The following ASAP2 variants were observed in gnomAD, a reference collection of about 807,000 sequenced individuals.
ASAP2 encodes the protein ArfGAP with SH3 domain, ankyrin repeat and PH domain 2, also known as arf-GAP with SH3 domain, ANK repeat and PH domain-containing protein 2.
In ASAP2, 45 loss-of-function variants were observed where a neutral mutation model predicts 131.4. The observed-to-expected ratio is 0.34, with a 90% CI of 0.27 to 0.44. The LOEUF (loss-of-function observed/expected upper bound fraction) is 0.44, where lower values mean the gene tolerates loss of function less well. Ranked by LOEUF, ASAP2 falls within the 20% of genes least tolerant of loss-of-function variation. ASAP2 has a pLI of 1.00. For missense variants in ASAP2, 1,011 were observed against 1,297.0 expected, an observed-to-expected ratio of 0.78 and a Z score of 3.39; for synonymous variants, 510 against 503.0, an observed-to-expected ratio of 1.01 and a Z score of -0.19.
chr2:9,320,219 GA>G (rs1289037115), intron 4 of ASAP2, 68 bp from the exon 5 acceptor site: 1 of 1,308,920 alleles, frequency 7.6e-7, no homozygotes, highest in Non-Finnish European at 1.1e-6. Context: ...CTAGTACAGG[GA>G]TAAGTAAGTT....
chr2:9,215,219 A>G lies in ASAP2; in HGVS notation c.126+7989A>G, dbSNP rs563443384. Among the ~76,000 whole-genome samples the G allele has an allele frequency of 5.5e-4, 84 of 152,330 alleles. 2 individuals carry two copies. The South Asian group carries it at 0.017, about 31-fold the overall frequency. On this transcript the variant is annotated intron_variant, in intron 1 of 27. Coordinates refer to ENST00000281419, the MANE Select transcript of ASAP2 (RefSeq NM_003887.3). ...ATTTGTGTATCTAAACATAGAAAAG[A>G]CAGTAAAAATCCCTCTTATAATCTT...
At chr2:9,247,439 T>C (rs1261500102) in intron 1 of ASAP2, among the ~76,000 whole-genome samples, 1 of 152,230 alleles carries the variant, frequency 6.6e-6, no homozygotes, top group Admixed American at 6.5e-5. Flanking sequence ...ATTGCCCTCA[T>C]GGACCTTATT....
intron 1 of ASAP2, among the ~76,000 whole-genome samples, chr2:9,224,624 A>G (rs1451348045): frequency 2.0e-5 from 3 of 152,320 alleles, no homozygotes; most frequent in Non-Finnish European, 4.4e-5. Context: ...CCCAATTAAT[A>G]TCTGATTTCT....
At chr2:9,351,840 C>T (rs1399448058) in intron 12 of ASAP2, among the ~76,000 whole-genome samples, 1 of 152,158 alleles carries the variant, frequency 6.6e-6, no homozygotes, top group Non-Finnish European at 1.5e-5. Context: ...CTTCTCATAC[C>T]CTCTGTGTGA....
rs992562241 is a variant in ASAP2, at chr2:9,281,379, A to G, written c.199+1990A>G. On this transcript the variant is annotated intron_variant, in intron 2 of 27. Transcript: ENST00000281419. The surrounding 1 kb of genome is among the most constrained non-coding windows in gnomAD (Gnocchi z 4.0). ...CCCAGTGGCTGGCAGTACAGCTTAT[A>G]AACAGCCCTGCATTTGAAGGGAGAA... Among the ~76,000 whole-genome samples the G allele has an allele frequency of 3.9e-5, 6 of 152,192 alleles. No individual in the cohort carries two copies. The highest frequency in any genetic ancestry group is 1.4e-4 in the African/African-American group (6 of 41,450).
At chr2:9,261,642 T>C (rs17627122) in intron 1 of ASAP2, among the ~76,000 whole-genome samples, 35,014 of 152,142 alleles carry the variant, frequency 0.23, 4,169 homozygotes, top group Non-Finnish European at 0.26. Flanking sequence ...TGGGAGCACT[T>C]TGGGAGCTTT....
chr2:9,280,691 G>A (rs1014842722), intron 2 of ASAP2, among the ~76,000 whole-genome samples: 1 of 152,230 alleles, frequency 6.6e-6, no homozygotes, highest in Non-Finnish European at 1.5e-5. Flanking sequence ...ACCCCAGTCA[G>A]AATTACAGCA....
chr2:9,391,008 G>A, intron 22 of ASAP2, 54 bp from the exon 23 acceptor site: 1 of 1,613,412 alleles, frequency 6.2e-7, no homozygotes, highest in Non-Finnish European at 8.5e-7. Flanking sequence ...TTTTGTTCGT[G>A]TGTGCACGTG....
intron 23 of ASAP2, among the ~76,000 whole-genome samples, chr2:9,393,070 G>GT (rs1675844452): frequency 1.3e-5 from 2 of 152,196 alleles, no homozygotes; most frequent in Admixed American, 1.3e-4. Context: ...GCCCGATGAA[G>GT]TGGGTAGGGC....
At chr2:9,329,891 C>T (rs147233509) in intron 7 of ASAP2, among the ~76,000 whole-genome samples, 10 of 152,322 alleles carry the variant, frequency 6.6e-5, no homozygotes, top group African/African-American at 9.6e-5. Context: ...TCCTGCTTTG[C>T]GATGCTTCTT....
chr2:9,376,983 G>GTTCA lies in ASAP2; in HGVS notation c.1823_1826dup (p.Gln609HisfsTer9). 1 of 1,613,552 alleles carries GTTCA rather than the reference G, an allele frequency of 6.2e-7. No homozygotes were observed. Among genetic ancestry groups the GTTCA allele is most frequent in the Non-Finnish European group, 8.5e-7 (1 of 1,179,536 alleles). On this transcript the variant is annotated frameshift_variant, in exon 18 of 28. Transcript: ENST00000281419. LOFTEE classifies it high-confidence loss of function. ...CTCTCTTCACATTGTAGACTTTTTA[G>GTTCA]TTCAGAACAGGTAGGTGTTCTGAAA...
chr2:9,380,213 T>G (rs1414937475), intron 19 of ASAP2, among the ~76,000 whole-genome samples: 1 of 151,792 alleles, frequency 6.6e-6, no homozygotes, highest in Admixed American at 6.6e-5. Context: ...TTTTGTTTTT[T>G]TTGAGGCAGA....
chr2:9,362,417 T>G, intron 15 of ASAP2, among the ~76,000 whole-genome samples: 1 of 152,310 alleles, frequency 6.6e-6, no homozygotes, highest in Admixed American at 6.5e-5. Context: ...ATTAATTTTT[T>G]ATTGCATGTA....
At position 9,367,020 on chromosome 2, in the gene ASAP2, C is replaced by CT. The variant is rs540612355; in HGVS notation, c.1462-1404dup. ...AAAGCATGTTTGTTAACTCCTTTGC[C>CT]TGCATAATTTTTTTTTTTTTTTTTT... On this transcript the variant is annotated intron_variant, in intron 15 of 27. Coordinates refer to ENST00000281419, the MANE Select transcript of ASAP2 (RefSeq NM_003887.3). Among the ~76,000 whole-genome samples, 197 of 143,034 alleles carry CT rather than the reference C, an allele frequency of 1.4e-3. 3 individuals carry two copies. The highest frequency in any genetic ancestry group is 5.4e-3 in the African/African-American group (182 of 33,606). 93.8% of individuals were successfully genotyped at this position (143,034 alleles called of 152,430 possible).
intron 1 of ASAP2, among the ~76,000 whole-genome samples, chr2:9,221,211 T>C (rs368559837): frequency 1.1e-3 from 172 of 152,336 alleles, no homozygotes; most frequent in African/African-American, 4.0e-3. Flanking sequence ...GAGATTTTCA[T>C]TGAGGTTATG....
At chr2:9,291,071 C>T (rs1400819789) in intron 2 of ASAP2, among the ~76,000 whole-genome samples, 1 of 152,128 alleles carries the variant, frequency 6.6e-6, no homozygotes, top group Admixed American at 6.5e-5. Flanking sequence ...CTGCTCCTAC[C>T]ATATTCCTAT....
At chr2:9,246,095 G>C (rs2148108548) in intron 1 of ASAP2, among the ~76,000 whole-genome samples, 1 of 152,282 alleles carries the variant, frequency 6.6e-6, no homozygotes, top group Non-Finnish European at 1.5e-5. Context: ...TGGGAGTGTT[G>C]GCTTTATCCC....
chr2:9,342,800 G>A (rs1452311444), intron 9 of ASAP2, among the ~76,000 whole-genome samples: 3 of 152,340 alleles, frequency 2.0e-5, no homozygotes, highest in South Asian at 4.1e-4. Flanking sequence ...TGCCTCAGAT[G>A]CAGTATTTGT....
At chr2:9,269,001 G>A (rs1291391620) in intron 1 of ASAP2, among the ~76,000 whole-genome samples, 1 of 152,068 alleles carries the variant, frequency 6.6e-6, no homozygotes, top group African/African-American at 2.4e-5. Flanking sequence ...TGCAGGGGCC[G>A]CTGGTGCTGT....
Sources: gnomAD v4.1 joint callset for allele counts (sites outside exome capture counted in the v4.1 genomes callset) on GRCh38, gnomAD v4.1.1 for gene constraint, Gnocchi (gnomAD v3.1) non-coding constraint, MANE v1.5 for transcripts, NCBI Gene and HGNC (gene_info 2026-07-23, HGNC 2026-07-21) for gene names.